FHIT: variants seen among roughly 807,000 people sequenced by gnomAD.
The protein encoded by FHIT is bis(5'-adenosyl)-triphosphatase.
FHIT carries 19 observed loss-of-function variants against 17.9 expected under a neutral mutation model. That is an observed-to-expected ratio of 1.06 (90% CI 0.74 to 1.56). The LOEUF is 1.56. FHIT is among the 40% of genes most tolerant of loss of function. The probability of loss-of-function intolerance (pLI) is 0.00; values close to 1 mark genes in which losing one functional copy is unlikely to be tolerated. For missense variants in FHIT, 248 were observed against 189.2 expected (o/e 1.31, Z -1.82); for synonymous variants, 81 against 69.7 (o/e 1.16, Z -0.81).
chr3:59,782,374 G>C (rs1702631570), intron 8 of FHIT, among the ~76,000 whole-genome samples: 4 of 152,132 alleles, frequency 2.6e-5, no homozygotes, highest in Admixed American at 2.0e-4. Flanking sequence ...GTTGAAAACA[G>C]AGCTGCCAGT....
At chr3:60,576,232 T>A (rs971526036) in intron 4 of FHIT, among the ~76,000 whole-genome samples, 5 of 99,144 alleles carry the variant, frequency 5.0e-5, no homozygotes, top group Admixed American at 3.7e-4. Context: ...ATTGGTAAAA[T>A]TTTTTTAAAA....
chr3:59,968,524 G>C (rs1314674127), intron 7 of FHIT, among the ~76,000 whole-genome samples: 1 of 151,944 alleles, frequency 6.6e-6, no homozygotes, highest in Non-Finnish European at 1.5e-5. Flanking sequence ...AGTCCATCAA[G>C]AAATAAACCT....
At chr3:60,845,677 G>A (rs1408150464) in intron 3 of FHIT, among the ~76,000 whole-genome samples, 1 of 152,074 alleles carries the variant, frequency 6.6e-6, no homozygotes. Flanking sequence ...TTCATATGCA[G>A]ACTTCAGTTA....
intron 7 of FHIT, among the ~76,000 whole-genome samples, chr3:59,938,215 G>A (rs764214893): frequency 7.2e-5 from 11 of 151,998 alleles, no homozygotes; most frequent in Admixed American, 2.0e-4. Context: ...AATATTATTC[G>A]GCCTTAAAAA....
chr3:60,913,009 A>C (rs1189122651), intron 3 of FHIT, among the ~76,000 whole-genome samples: 1 of 152,352 alleles, frequency 6.6e-6, no homozygotes, highest in South Asian at 2.1e-4. Context: ...AAATAGATTT[A>C]GTACAAAGAG....
intron 4 of FHIT, among the ~76,000 whole-genome samples, chr3:60,569,725 C>CTATATATATATATATATATACA (rs2037285723): frequency 2.6e-5 from 1 of 39,120 alleles, no homozygotes; most frequent in African/African-American, 1.0e-4. Context: ...TTTATTAATA[C>CTATATATATATATATATATACA]TATATATATA....
At chr3:60,955,393 A>G (rs1553778387) in intron 3 of FHIT, among the ~76,000 whole-genome samples, 2 of 151,946 alleles carry the variant, frequency 1.3e-5, no homozygotes, top group Non-Finnish European at 2.9e-5. Context: ...TCTGGGGTGA[A>G]TAGTACCTGG....
At chr3:60,719,427 T>C (rs1396824273) in intron 4 of FHIT, among the ~76,000 whole-genome samples, 1 of 152,218 alleles carries the variant, frequency 6.6e-6, no homozygotes, top group Non-Finnish European at 1.5e-5. Context: ...GCAAATTTCT[T>C]AGCCTGCTGT....
In FHIT at chr3:60,444,233, T is replaced by G. The variant is rs569695611; in HGVS notation, c.103+92627A>C. 5.1e-4 allele frequency among the ~76,000 whole-genome samples: 78 copies of G among 152,300 alleles called. No homozygotes were observed. In the East Asian group the frequency reaches 0.011, roughly 22 times the overall value. ...GGATGTGGAGAAATAGGAACACTTT[T>G]ACATTGTTGGTGGGAATGTAAACTA... On this transcript the variant is annotated intron_variant, in intron 5 of 9. Coordinates refer to ENST00000492590, the MANE Select transcript of FHIT (RefSeq NM_002012.4).
chr3:60,263,004 A>T (rs1706382081), intron 5 of FHIT, among the ~76,000 whole-genome samples: 1 of 152,038 alleles, frequency 6.6e-6, no homozygotes, highest in African/African-American at 2.4e-5. Flanking sequence ...AATAAAAAAT[A>T]ACTAATATCT....
intron 3 of FHIT, among the ~76,000 whole-genome samples, chr3:60,948,343 G>A (rs1442117230): frequency 6.6e-6 from 1 of 152,166 alleles, no homozygotes; most frequent in Admixed American, 6.5e-5. Context: ...TCCATTTTGG[G>A]TCCCTACAGA....
intron 5 of FHIT, among the ~76,000 whole-genome samples, chr3:60,267,551 T>C (rs1024367049): frequency 2.6e-5 from 4 of 152,078 alleles, no homozygotes; most frequent in African/African-American, 9.7e-5. Flanking sequence ...ATGCAGCATG[T>C]TTATCCTAGG....
intron 3 of FHIT, among the ~76,000 whole-genome samples, chr3:60,970,088 T>G (rs952656353): frequency 2.6e-5 from 4 of 152,294 alleles, no homozygotes; most frequent in Non-Finnish European, 4.4e-5. Context: ...CCTCCCAAAG[T>G]GTTGGGATTA....
At chr3:60,683,190 C>G (rs2040790482) in intron 4 of FHIT, among the ~76,000 whole-genome samples, 1 of 152,112 alleles carries the variant, frequency 6.6e-6, no homozygotes, top group Admixed American at 6.5e-5. Context: ...ACAACAAAAG[C>G]TTTAGAATAT....
At chr3:59,941,421 T>C (rs1202703120) in intron 7 of FHIT, among the ~76,000 whole-genome samples, 1 of 146,078 alleles carries the variant, frequency 6.8e-6, no homozygotes, top group Non-Finnish European at 1.5e-5. Flanking sequence ...TACATTATGA[T>C]CTCTCTCTCT....
At chr3:61,135,366 A>G (rs938077844) in intron 2 of FHIT, among the ~76,000 whole-genome samples, 1 of 152,224 alleles carries the variant, frequency 6.6e-6, no homozygotes, top group African/African-American at 2.4e-5. Flanking sequence ...TTAACCACTG[A>G]TATTTATTGA....
intron 7 of FHIT, among the ~76,000 whole-genome samples, chr3:59,984,342 A>G (rs776813429): frequency 2.6e-5 from 4 of 151,946 alleles, no homozygotes; most frequent in Non-Finnish European, 5.9e-5. Flanking sequence ...ATCTACTACA[A>G]GAAACATTTA....
intron 4 of FHIT, among the ~76,000 whole-genome samples, chr3:60,783,718 A>T (rs1553726220): frequency 2.6e-5 from 4 of 152,204 alleles, no homozygotes; most frequent in African/African-American, 9.7e-5. Flanking sequence ...ATAAAATTTC[A>T]TCAACAGTTG....
rs1273152595 is a variant in FHIT at position 60,704,330 on chromosome 3, GCTT to G, written c.-18+117586_-18+117588del. Among the ~76,000 whole-genome samples the G allele has an allele frequency of 1.1e-4, 16 of 152,194 alleles. 1 individual carries two copies. In the Middle Eastern group the frequency reaches 0.014, roughly 129 times the overall value. ...GACATTTCCACTGAGCTACAATAAA[GCTT>G]CTATTTTTTTAGATACTTGACAAAA... On this transcript the variant is annotated intron_variant, in intron 4 of 9. Transcript: ENST00000492590.
Sources: allele counts gnomAD v4.1 joint callset (sites outside exome capture counted in the v4.1 genomes callset), GRCh38; gene constraint gnomAD v4.1.1; transcripts MANE v1.5; gene names NCBI Gene and HGNC (gene_info 2026-07-23, HGNC 2026-07-21).